ZNF609: variants seen among roughly 807,000 people sequenced by gnomAD.
ZNF609 encodes zinc finger protein 609.
Under a neutral mutation model 109.5 loss-of-function variants are expected in ZNF609, and 11 were observed. The ratio of observed to expected loss-of-function variants is 0.10; its 90% confidence interval spans 0.06 to 0.17. The LOEUF (loss-of-function observed/expected upper bound fraction) is 0.17. ZNF609 is among the 10% of genes least tolerant of loss of function. ZNF609 has a pLI of 1.00. For missense variants in ZNF609, 1,559 were observed against 1,772.4 expected (o/e 0.88, Z 2.16); for synonymous variants, 646 against 662.0 (o/e 0.98, Z 0.37).
intron 5 of ZNF609, 40 bp from the exon 6 acceptor site, chr15:64,678,076 A>T (rs371017963): frequency 1.3e-5 from 20 of 1,585,484 alleles, no homozygotes; most frequent in Non-Finnish European, 1.6e-5. Context: ...TATCTGTCTT[A>T]TCTGTACAAC....
chr15:64,540,025 C>G (rs898042453), intron 2 of ZNF609, among the ~76,000 whole-genome samples: 5 of 152,198 alleles, frequency 3.3e-5, no homozygotes, highest in Non-Finnish European at 5.9e-5. Flanking sequence ...TCTTGCCACA[C>G]ACCTCCCAAA....
intron 3 of ZNF609, among the ~76,000 whole-genome samples, chr15:64,655,362 G>T (rs1292451080): frequency 6.6e-6 from 1 of 151,546 alleles, no homozygotes; most frequent in Non-Finnish European, 1.5e-5. Flanking sequence ...CTTGAACCTG[G>T]GAGGCGGAGG....
intron 2 of ZNF609, among the ~76,000 whole-genome samples, chr15:64,549,674 T>A (rs1285107730): frequency 2.0e-5 from 3 of 152,090 alleles, no homozygotes. Context: ...TGTGTGTGTG[T>A]GAGTGAGAGA....
chr15:64,514,881 TC>T (rs1242371251), intron 2 of ZNF609, among the ~76,000 whole-genome samples: 1 of 152,178 alleles, frequency 6.6e-6, no homozygotes, highest in African/African-American at 2.4e-5. Context: ...AAGTGATCCT[TC>T]CGCCTTAGCC....
intron 2 of ZNF609, among the ~76,000 whole-genome samples, chr15:64,552,682 C>T (rs1894502852): frequency 6.6e-6 from 1 of 152,144 alleles, no homozygotes; most frequent in African/African-American, 2.4e-5. Flanking sequence ...CAAGGTCTTG[C>T]TGTGTGGCTC....
chr15:64,602,716 C>CTTT (rs10600561), intron 2 of ZNF609, among the ~76,000 whole-genome samples: 71 of 55,554 alleles, frequency 1.3e-3, no homozygotes, highest in Middle Eastern at 0.019. Flanking sequence ...TTTTTTCTTT[C>CTTT]TTTTTTTTTT....
intron 2 of ZNF609, chr15:64,528,944 C>T (rs2140370103): frequency 1.5e-6 from 2 of 1,320,314 alleles, no homozygotes; most frequent in East Asian, 4.7e-5. Context: ...CAGGTCAGGT[C>T]CGCCACTGAC....
At chr15:64,622,098 G>C (rs1021884569) in intron 2 of ZNF609, among the ~76,000 whole-genome samples, 1 of 152,078 alleles carries the variant, frequency 6.6e-6, no homozygotes, top group African/African-American at 2.4e-5. Context: ...GCTTCTGGGT[G>C]GCAACAGCAC....
At position 64,674,698 on chromosome 15, in the gene ZNF609, T is replaced by C. The variant is rs961571013; in HGVS notation, c.1844T>C (p.Val615Ala). 1 of 1,614,104 alleles carries C rather than the reference T, an allele frequency of 6.2e-7. No homozygotes were observed. The highest frequency in any genetic ancestry group is 1.7e-5 in the Admixed American group (1 of 60,020). ...GATGGCTCTGATGATGGACCCTCAG[T>C]GATGGATGAAACAAGCAATGATGCC... is the stretch of plus-strand genomic sequence containing the variant. Reference protein sequence around the residue: ...SNDGSDDGPSVMDETSNDAFD... With the variant: ...SNDGSDDGPSAMDETSNDAFD... The change falls in exon 5 of 10, where the codon GTG (valine) becomes GCG (alanine). Residue 615 changes from valine (V) to alanine (A), a missense_variant. Physicochemically the swap from Val to Ala is moderately conservative, Grantham distance 64. Around this residue, in one of 4 missense-constraint regions of ZNF609, gnomAD observed 1,204 missense variants for 1,314.1 expected, o/e 0.92. Transcript: ENST00000326648.
At chr15:64,534,569 C>T (rs911047701) in intron 2 of ZNF609, among the ~76,000 whole-genome samples, 1 of 152,108 alleles carries the variant, frequency 6.6e-6, no homozygotes, top group Non-Finnish European at 1.5e-5. Context: ...CCCACCTTGG[C>T]CTCCCAAAGT....
At chr15:64,658,831 GT>G (rs1182691014) in intron 3 of ZNF609, among the ~76,000 whole-genome samples, 1 of 150,940 alleles carries the variant, frequency 6.6e-6, no homozygotes, top group African/African-American at 2.4e-5. Flanking sequence ...AAGAACTTTT[GT>G]TTTTATAGAT....
chr15:64,586,908 G>A (rs924409927), intron 2 of ZNF609, among the ~76,000 whole-genome samples: 2 of 152,206 alleles, frequency 1.3e-5, no homozygotes, highest in Non-Finnish European at 2.9e-5. Flanking sequence ...AGAGACAGCT[G>A]TAATGTGGCA....
rs926854922 is a variant in ZNF609 at position 64,564,571 on chromosome 15, T to C, written c.748-58256T>C. ...TGTTTTGTTTTCAGGCATAAAGATA[T>C]CCATCCATGTGTTTGTTGTGTTGTT... is the stretch of plus-strand genomic sequence containing the variant. On this transcript the variant is annotated intron_variant, in intron 2 of 9. Transcript: ENST00000326648. Among the ~76,000 whole-genome samples, 5 of 152,190 alleles carry C rather than the reference T, an allele frequency of 3.3e-5. No homozygotes were observed. In the South Asian group the frequency reaches 1.0e-3, roughly 31 times the overall value.
At position 64,609,120 on chromosome 15, in the gene ZNF609, C is replaced by CTT. The variant is rs1567028305; in HGVS notation, c.748-13705_748-13704dup. The stretch of plus-strand genomic sequence containing the variant: ...TCTTTCTTTCTTTCTTTCTTTCTTT[C>CTT]TTTCTTTCTTTTTTTCTTTCTTTTT... On this transcript the variant is annotated intron_variant, in intron 2 of 9. Coordinates refer to ENST00000326648, the MANE Select transcript of ZNF609 (RefSeq NM_015042.2). Among the ~76,000 whole-genome samples the CTT allele has an allele frequency of 5.7e-4, 17 of 29,858 alleles. 2 individuals carry two copies. Among genetic ancestry groups the CTT allele is most frequent in the Non-Finnish European group, 2.0e-3 (15 of 7,438 alleles). 19.6% of individuals were successfully genotyped at this position (29,858 alleles called of 152,430 possible).
At chr15:64,491,066 C>CCAA (rs1450538183) in intron 1 of ZNF609, among the ~76,000 whole-genome samples, 4 of 152,166 alleles carry the variant, frequency 2.6e-5, no homozygotes, top group Non-Finnish European at 5.9e-5. Context: ...TATCTAATCT[C>CCAA]CATTGGAGAT....
intron 2 of ZNF609, chr15:64,593,284 A>T: frequency 6.7e-7 from 1 of 1,502,222 alleles, no homozygotes; most frequent in Non-Finnish European, 9.2e-7. Flanking sequence ...CCCGATTTAG[A>T]CCTGCGGGTG....
intron 3 of ZNF609, among the ~76,000 whole-genome samples, chr15:64,652,436 G>C (rs1174315224): frequency 1.3e-5 from 2 of 150,140 alleles, no homozygotes; most frequent in Admixed American, 1.3e-4. Flanking sequence ...ACCCAGGCTG[G>C]AGTGCAGTGG....
rs1298393531 is a variant in ZNF609, at chr15:64,577,304, CAT to C, written c.748-45518_748-45517del. 4.6e-3 allele frequency among the ~76,000 whole-genome samples: 80 copies of C among 17,438 alleles called. 35 individuals are homozygous for C. Among genetic ancestry groups the C allele is most frequent in the Non-Finnish European group, 0.011 (27 of 2,550 alleles). The allele number at this position is 17,438 out of a possible 152,430, so 11.4% of individuals were successfully genotyped here. A position where few individuals can be genotyped will look rare whatever the true frequency, so the allele number is the denominator to read the frequency against. ...GTATATATATACACACAAATATATA[CAT>C]ATATGTATATATATACACACAAATA... is the stretch of plus-strand genomic sequence containing the variant. On this transcript the variant is annotated intron_variant, in intron 2 of 9. Coordinates refer to ENST00000326648, the MANE Select transcript of ZNF609 (RefSeq NM_015042.2).
At chr15:64,480,285 G>A (rs997514138) in intron 1 of ZNF609, among the ~76,000 whole-genome samples, 4 of 151,652 alleles carry the variant, frequency 2.6e-5, no homozygotes, top group African/African-American at 9.7e-5. Context: ...TGTAATCCCA[G>A]CACTTTGGGA....
Sources: allele counts gnomAD v4.1 joint callset (sites outside exome capture counted in the v4.1 genomes callset), GRCh38; gene constraint gnomAD v4.1.1; regional missense constraint gnomAD v4.1.1; transcripts MANE v1.5; gene names NCBI Gene and HGNC (gene_info 2026-07-23, HGNC 2026-07-21).